The following SHPRH variants were observed in gnomAD, a reference collection of about 807,000 sequenced individuals.
SHPRH encodes the protein SNF2 histone linker PHD RING helicase.
In SHPRH, 106 loss-of-function variants were observed where a neutral mutation model predicts 202.5. The ratio of observed to expected loss-of-function variants is 0.52; its 90% CI spans 0.45 to 0.62. The LOEUF is 0.62. Ranked by LOEUF, SHPRH falls within the 20% of genes least tolerant of loss-of-function variation. The pLI, the probability that SHPRH is intolerant of heterozygous loss-of-function variation, is 0.00. For synonymous variants in SHPRH, 729 were observed against 686.0 expected (o/e 1.06, Z -0.98); for missense variants, 1,710 against 2,020.0 (o/e 0.85, Z 2.94).
Position 145,927,124 on chromosome 6 carries a change from T to A in SHPRH, c.3201+65A>T. The A allele has an allele frequency of 2.1e-6, 3 of 1,428,180 alleles. No individual in the cohort carries two copies. In the South Asian group the frequency reaches 3.6e-5, roughly 17 times the overall value. The allele number at this position is 1,428,180 out of a possible 1,614,324, so 88.5% of individuals were successfully genotyped here. The stretch of plus-strand genomic sequence containing the variant: ...TGTTACCATTTATCCTCTTAAACAT[T>A]CAGAAAAATTATTTTGTTAAAAAAA... On this transcript the variant is annotated intron_variant, in intron 15 of 29. Transcript: ENST00000275233.
chr6:145,910,502 G>A lies in SHPRH; in HGVS notation c.4461C>T (p.Ile1487=). 2 of 1,613,214 alleles carry A rather than the reference G, an allele frequency of 1.2e-6. No individual in the cohort carries two copies. The highest frequency in any genetic ancestry group is 1.1e-5 in the South Asian group (1 of 91,030). Residue 1487 remains isoleucine, a synonymous_variant, in exon 25 of 30, where the codon ATC becomes ATT. Coordinates refer to ENST00000275233, the MANE Select transcript of SHPRH (RefSeq NM_001042683.3). ...CTTTCTCTGAGGTAAAGACATACGA[G>A]ATTTCTTTGTGAGATGTGGTCTGGC... ...ICRQTTSHKE[I]SYVFTSEKAN... is the part of the protein sequence containing the mutation.
intron 2 of SHPRH, among the ~76,000 whole-genome samples, chr6:145,952,996 T>C (rs986543963): frequency 2.0e-5 from 3 of 152,096 alleles, no homozygotes; most frequent in Admixed American, 6.6e-5. Flanking sequence ...AAAGACTTGA[T>C]TTTGAATACT....
At chr6:145,863,804 C>T (rs185037289), downstream of SHPRH, among the ~76,000 whole-genome samples, 81 of 152,250 alleles carry the variant, frequency 5.3e-4, no homozygotes, top group East Asian at 0.014. Flanking sequence ...CATCTTCTGG[C>T]GGCTGCTTCC....
At position 145,945,255 on chromosome 6, in the gene SHPRH, A is replaced by C. The variant is rs1438729502; in HGVS notation, c.1578+126T>G. The C allele has an allele frequency of 4.4e-6, 5 of 1,130,200 alleles. No homozygotes were observed. In the African/African-American group the frequency reaches 7.9e-5, roughly 18 times the overall value. 70.0% of individuals were successfully genotyped at this position (1,130,200 alleles called of 1,614,324 possible). Reference sequence around the variant, plus strand: ...GTAGAAAGTAGAAGTTACAGATATAAGTACTTTTCCTATTTTTTTATCTTC... The same window carrying C: ...GTAGAAAGTAGAAGTTACAGATATACGTACTTTTCCTATTTTTTTATCTTC... On this transcript the variant is annotated intron_variant, in intron 8 of 29. Coordinates refer to ENST00000275233, the MANE Select transcript of SHPRH (RefSeq NM_001042683.3).
Position 145,954,898 on chromosome 6 carries a change from C to A in SHPRH, c.425G>T (p.Ser142Ile). 1 of 1,613,740 alleles carries A rather than the reference C, an allele frequency of 6.2e-7. No individual in the cohort carries two copies. Among genetic ancestry groups the A allele is most frequent in the Non-Finnish European group, 8.5e-7 (1 of 1,179,878 alleles). The stretch of plus-strand genomic sequence containing the variant: ...CAGGAACTGATTGCTTGACTCTGAA[C>A]TCATCAATGTAATACTCCTTTCGGA... ...NFSERSITLM[S>I]SESSNQFLIY... The change falls in exon 2 of 30, where the codon AGT (serine) becomes ATT (isoleucine). Residue 142 changes from serine to isoleucine, a missense_variant. Physicochemically the swap from Ser to Ile is moderately radical, Grantham distance 142 (BLOSUM62 -2). Transcript: ENST00000275233.
At chr6:145,932,936 G>T in intron 14 of SHPRH, 121 bp downstream of exon 14, 2 of 1,130,266 alleles carry the variant, frequency 1.8e-6, no homozygotes, top group Non-Finnish European at 2.5e-6. Flanking sequence ...ATTCAGTAGT[G>T]TGTGAGAGTA....
chr6:145,899,218 C>T (rs892445506), intron 25 of SHPRH, among the ~76,000 whole-genome samples: 2 of 152,064 alleles, frequency 1.3e-5, no homozygotes. Context: ...TCATATGGAA[C>T]CACAAAAGAC....
chr6:145,950,409 A>G lies in SHPRH; in HGVS notation c.837T>C (p.Phe279=). 1 of 1,613,332 alleles carries G rather than the reference A, an allele frequency of 6.2e-7. No individual in the cohort carries two copies. Among genetic ancestry groups the G allele is most frequent in the South Asian group, 1.1e-5 (1 of 91,076 alleles). The change falls in exon 4 of 30, where the codon TTT becomes TTC. Residue 279 remains phenylalanine, a synonymous_variant. Coordinates refer to ENST00000275233, the MANE Select transcript of SHPRH (RefSeq NM_001042683.3). ...TTTCTTGCTGATGTGTTTGTTTCAC[A>G]AAGTGATACAGCTCGTCAATGTCTT... The part of the protein sequence containing the change: ...EGQDIDELYH[F]VKQTHQQETQ...
At chr6:145,906,431 T>C (rs925149721) in intron 25 of SHPRH, 5 of 152,104 alleles carry the variant, frequency 3.3e-5, no homozygotes, top group Non-Finnish European at 7.4e-5. Flanking sequence ...CATTCTCAGA[T>C]AAGAACACCT....
At chr6:145,930,435 A>G (rs1785317564) in intron 14 of SHPRH, among the ~76,000 whole-genome samples, 1 of 152,050 alleles carries the variant, frequency 6.6e-6, no homozygotes, top group South Asian at 2.1e-4. Flanking sequence ...ACAAATTTTG[A>G]TATTTCATTT....
At chr6:145,929,333 GAAT>G (rs1785198809) in intron 14 of SHPRH, among the ~76,000 whole-genome samples, 2 of 151,826 alleles carry the variant, frequency 1.3e-5, no homozygotes, top group African/African-American at 4.8e-5. Flanking sequence ...TTCAAAATTG[GAAT>G]AATAAAATGT....
At chr6:145,948,200 G>C (rs1351518665) in intron 5 of SHPRH, 72 bp downstream of exon 5, 1 of 1,160,652 alleles carries the variant, frequency 8.6e-7, no homozygotes, top group Non-Finnish European at 1.2e-6. Flanking sequence ...TTACAGATAT[G>C]CTAACAATCT....
intron 2 of SHPRH, among the ~76,000 whole-genome samples, chr6:145,872,393 C>G (rs138476162): frequency 6.6e-6 from 1 of 152,088 alleles, no homozygotes; most frequent in African/African-American, 2.4e-5. Flanking sequence ...CATGAACAGA[C>G]ACTTCTCAAA....
At chr6:145,910,811 A>G (rs538449129) in intron 24 of SHPRH, among the ~76,000 whole-genome samples, 175 bp from the exon 25 acceptor site, 24 of 152,154 alleles carry the variant, frequency 1.6e-4, no homozygotes, top group Non-Finnish European at 3.2e-4. Context: ...AAGTTTTCAT[A>G]ATCTTTAGTT....
At chr6:145,947,457 T>C (rs753476816) in intron 6 of SHPRH, 36 bp downstream of exon 6, 1 of 1,602,342 alleles carries the variant, frequency 6.2e-7, no homozygotes, top group African/African-American at 1.3e-5. Context: ...AGAACATATG[T>C]CCCCTGCTTT....
At chr6:145,945,265 C>T (rs1291906462) in intron 8 of SHPRH, 116 bp downstream of exon 8, 9 of 1,254,910 alleles carry the variant, frequency 7.2e-6, no homozygotes, top group South Asian at 7.1e-5. Context: ...AGTACTTTTC[C>T]TATTTTTTTA....
At chr6:145,951,007 T>C (rs1787919524) in intron 3 of SHPRH, among the ~76,000 whole-genome samples, 1 of 152,142 alleles carries the variant, frequency 6.6e-6, no homozygotes, top group Non-Finnish European at 1.5e-5. Flanking sequence ...AACTGTTCTA[T>C]GCCCAATAAG....
intron 1 of SHPRH, among the ~76,000 whole-genome samples, chr6:145,959,077 T>C (rs1035025035): frequency 6.6e-6 from 1 of 152,072 alleles, no homozygotes; most frequent in Admixed American, 6.6e-5. Context: ...ACTCAAGATC[T>C]GCATGCCTCA....
Position 145,941,883 on chromosome 6 carries a change from TAATC to T in SHPRH, c.2239-13_2239-10del. ...TTCACTCCTTGATATACCTAGGAAA[TAATC>T]AATACAGGCAGTTATTGCAAAAAGG... On this transcript the variant is annotated splice_polypyrimidine_tract_variant and intron_variant, in intron 9 of 29. Transcript: ENST00000275233. The T allele has an allele frequency of 1.9e-6, 3 of 1,612,410 alleles. No homozygotes were observed. The highest frequency in any genetic ancestry group is 2.5e-6 in the Non-Finnish European group (3 of 1,179,132).
Sources: gnomAD v4.1 joint callset for allele counts (sites outside exome capture counted in the v4.1 genomes callset) on GRCh38, gnomAD v4.1.1 for gene constraint, MANE v1.5 for transcripts, NCBI Gene and HGNC (gene_info 2026-07-23, HGNC 2026-07-21) for gene names.